Variants in WWC1 observed in about 807,000 individuals in gnomAD.
WWC1 encodes the protein WW and C2 domain containing 1, also known as protein KIBRA.
Under a neutral mutation model 138.4 loss-of-function variants are expected in WWC1, and 55 were observed. The ratio of observed to expected loss-of-function variants is 0.40; its 90% CI spans 0.32 to 0.50. The LOEUF (loss-of-function observed/expected upper bound fraction) is 0.50, where lower values mean the gene tolerates loss of function less well. Among genes scored for constraint, WWC1 ranks in the 20% least tolerant of loss-of-function variants. The pLI, the probability that WWC1 is intolerant of heterozygous loss-of-function variation, is 0.72. For synonymous variants in WWC1, 524 were observed against 564.9 expected (o/e 0.93, Z 1.03); for missense variants, 1,226 against 1,420.4 (o/e 0.86, Z 2.20).
intron 5 of WWC1, among the ~76,000 whole-genome samples, chr5:168,403,010 CTTT>C (rs1779437263): frequency 1.1e-4 from 5 of 43,822 alleles, no homozygotes; most frequent in African/African-American, 2.5e-4. Context: ...GTTTCTTTTT[CTTT>C]CTTTCTTTCT....
chr5:168,298,962 G>A (rs993189315), intron 1 of WWC1, among the ~76,000 whole-genome samples: 1 of 152,192 alleles, frequency 6.6e-6, no homozygotes, highest in African/African-American at 2.4e-5. Flanking sequence ...GCACGCACCT[G>A]TAATCCCAGC....
intron 1 of WWC1, among the ~76,000 whole-genome samples, chr5:168,338,428 G>T (rs1470345208): frequency 1.3e-5 from 2 of 150,486 alleles, no homozygotes; most frequent in Non-Finnish European, 3.0e-5. Context: ...TTTTTTGGGG[G>T]GGGATTGAGT....
intron 1 of WWC1, among the ~76,000 whole-genome samples, chr5:168,297,772 C>G (rs1488633505): frequency 6.6e-6 from 1 of 151,918 alleles, no homozygotes; most frequent in Admixed American, 6.6e-5. Context: ...AAAGTCAGAT[C>G]TATGTCCTTC....
At chr5:168,381,482 G>T (rs1187161892) in intron 2 of WWC1, among the ~76,000 whole-genome samples, 1 of 152,148 alleles carries the variant, frequency 6.6e-6, no homozygotes, top group East Asian at 1.9e-4. Flanking sequence ...CTTAAACACC[G>T]GTTCTCACCT....
chr5:168,398,316 G>A (rs985883428), intron 4 of WWC1, among the ~76,000 whole-genome samples: 9 of 152,032 alleles, frequency 5.9e-5, no homozygotes, highest in African/African-American at 2.2e-4. Context: ...TGTTAGCCAG[G>A]ATGGTCTCGA....
At position 168,417,131 on chromosome 5, in the gene WWC1, T is replaced by C. The variant is rs60983579; in HGVS notation, c.1184+2541T>C. ...ATCCACGTGCCTCGGCCTTCCAAAG[T>C]GCTGAGATTACAGGCATGACCCACT... On this transcript the variant is annotated intron_variant, in intron 9 of 22. Coordinates refer to ENST00000265293, the MANE Select transcript of WWC1 (RefSeq NM_015238.3). Among the ~76,000 whole-genome samples the C allele has an allele frequency of 3.7e-3, 569 of 152,270 alleles. 4 individuals carry two copies. Among genetic ancestry groups the C allele is most frequent in the African/African-American group, 0.013 (555 of 41,544 alleles).
At chr5:168,358,674 AAT>A (rs1295441111) in intron 1 of WWC1, among the ~76,000 whole-genome samples, 3 of 152,188 alleles carry the variant, frequency 2.0e-5, no homozygotes, top group Non-Finnish European at 4.4e-5. Flanking sequence ...TAAATAAGCT[AAT>A]ATGTTGCATT....
At chr5:168,375,414 A>G (rs1308005852) in intron 2 of WWC1, among the ~76,000 whole-genome samples, 1 of 152,200 alleles carries the variant, frequency 6.6e-6, no homozygotes, top group Non-Finnish European at 1.5e-5. Context: ...AGGACCAAGG[A>G]TAAACCAATA....
At chr5:168,332,051 C>T (rs968863555) in intron 1 of WWC1, among the ~76,000 whole-genome samples, 1 of 151,492 alleles carries the variant, frequency 6.6e-6, no homozygotes. Flanking sequence ...GAGGCTAAGG[C>T]AGGAGAATCA....
At chr5:168,436,647 A>T (rs187618636) in intron 15 of WWC1, among the ~76,000 whole-genome samples, 54 of 152,258 alleles carry the variant, frequency 3.5e-4, no homozygotes, top group Admixed American at 3.4e-3. Flanking sequence ...GTCTCAGCCG[A>T]TGGCAATCTC....
intron 17 of WWC1, among the ~76,000 whole-genome samples, chr5:168,446,590 G>A (rs1484713424): frequency 6.6e-6 from 1 of 152,174 alleles, no homozygotes; most frequent in African/African-American, 2.4e-5. Context: ...AAACTCCTCT[G>A]TAACTAGCAC....
In WWC1 at chr5:168,408,321, G is replaced by A. The variant is rs372795546; in HGVS notation, c.721-186G>A. 6.6e-5 allele frequency among the ~76,000 whole-genome samples: 10 copies of A among 151,174 alleles called. No homozygotes were observed. In the East Asian group the frequency reaches 1.7e-3, roughly 26 times the overall value. On this transcript the variant is annotated intron_variant, in intron 6 of 22. Transcript: ENST00000265293. ...GTTTCTCCTATGTCATAGGCCCAGCGCAGAGCCTGGCACACAGCAAGGACC... is the reference window on the plus strand; with the variant it reads ...GTTTCTCCTATGTCATAGGCCCAGCACAGAGCCTGGCACACAGCAAGGACC...
chr5:168,393,849 T>G (rs951549889), intron 3 of WWC1, among the ~76,000 whole-genome samples: 9 of 152,156 alleles, frequency 5.9e-5, no homozygotes, highest in Non-Finnish European at 1.0e-4. Flanking sequence ...AGAGGAGATT[T>G]AGATAACCAG....
At chr5:168,305,305 GCT>G (rs1770454166) in intron 1 of WWC1, among the ~76,000 whole-genome samples, 1 of 151,988 alleles carries the variant, frequency 6.6e-6, no homozygotes, top group Non-Finnish European at 1.5e-5. Flanking sequence ...CCAAATCCTT[GCT>G]GGCCACTCTG....
intron 1 of WWC1, among the ~76,000 whole-genome samples, chr5:168,303,097 C>T (rs1018069854): frequency 7.2e-5 from 11 of 152,142 alleles, no homozygotes; most frequent in Admixed American, 5.9e-4. Context: ...CTCAATTATC[C>T]CCGTTTTGCA....
At chr5:168,323,311 T>G (rs980683305) in intron 1 of WWC1, among the ~76,000 whole-genome samples, 5 of 152,088 alleles carry the variant, frequency 3.3e-5, no homozygotes, top group Non-Finnish European at 7.4e-5. Context: ...TTTGGAAGAC[T>G]GAGGTTGGAG....
intron 17 of WWC1, among the ~76,000 whole-genome samples, chr5:168,451,368 C>G (rs1201085772): frequency 6.6e-6 from 1 of 152,110 alleles, no homozygotes; most frequent in Non-Finnish European, 1.5e-5. Flanking sequence ...GACACTTCAC[C>G]TGGGAAGATG....
chr5:168,450,777 G>A (rs1259153595), intron 17 of WWC1, among the ~76,000 whole-genome samples: 1 of 152,062 alleles, frequency 6.6e-6, no homozygotes, highest in Non-Finnish European at 1.5e-5. Flanking sequence ...TTTGAGGTAG[G>A]CAAAGATTTC....
chr5:168,312,755 G>T (rs1771229228), intron 1 of WWC1, among the ~76,000 whole-genome samples: 1 of 151,804 alleles, frequency 6.6e-6, no homozygotes, highest in South Asian at 2.1e-4. Context: ...GGGGTCATGT[G>T]GTGCCAACCG....
Sources: gnomAD v4.1 joint callset for allele counts (sites outside exome capture counted in the v4.1 genomes callset) on GRCh38, gnomAD v4.1.1 for gene constraint, MANE v1.5 for transcripts, NCBI Gene and HGNC (gene_info 2026-07-23, HGNC 2026-07-21) for gene names.